FANCI: variants seen among roughly 807,000 people sequenced by gnomAD.
The protein encoded by FANCI is Fanconi anemia group I protein.
In FANCI, 156 loss-of-function variants were observed where a neutral mutation model predicts 176.1. The observed-to-expected ratio is 0.89, with a 90% CI of 0.78 to 1.01. The LOEUF (loss-of-function observed/expected upper bound fraction) is 1.01. Among genes scored for constraint, FANCI ranks in the 50% least tolerant of loss-of-function variants. The pLI is 0.00. For synonymous variants in FANCI, 613 were observed against 541.7 expected (o/e 1.13, Z -1.83); for missense variants, 1,678 against 1,534.1 (o/e 1.09, Z -1.57).
intron 27 of FANCI, among the ~76,000 whole-genome samples, chr15:89,302,706 T>C (rs2054570725): frequency 6.6e-6 from 1 of 151,878 alleles, no homozygotes; most frequent in Admixed American, 6.6e-5. Context: ...CCCAAGTAGC[T>C]GGGACTACAG....
intron 19 of FANCI, 84 bp downstream of exon 19, chr15:89,290,365 T>G (rs995802424): frequency 2.8e-6 from 3 of 1,063,428 alleles, no homozygotes; most frequent in African/African-American, 3.1e-5. Flanking sequence ...TTTCAAAATA[T>G]AAAATAATTC....
chr15:89,247,596 T>C, intron 1 of FANCI, 33 bp from the exon 2 acceptor site: 11 of 1,461,684 alleles, frequency 7.5e-6, no homozygotes, highest in Middle Eastern at 1.7e-4. Context: ...ATTTCTGGAA[T>C]CTTCACCCAC....
intron 2 of FANCI, among the ~76,000 whole-genome samples, chr15:89,250,670 T>G (rs1247180873): frequency 6.6e-6 from 1 of 151,502 alleles, no homozygotes; most frequent in African/African-American, 2.4e-5. Flanking sequence ...GTTGTGCACA[T>G]GTACCCTAGA....
chr15:89,291,557 A>T, intron 19 of FANCI, 56 bp from the exon 20 acceptor site: 1 of 1,419,900 alleles, frequency 7.0e-7, no homozygotes, highest in Non-Finnish European at 9.9e-7. Flanking sequence ...CTGAGAAGTT[A>T]AAAAAGTAAA....
At chr15:89,314,843 C>G (rs1332688617) in intron 36 of FANCI, 136 bp downstream of exon 36, 4 of 552,004 alleles carry the variant, frequency 7.2e-6, no homozygotes, top group Admixed American at 5.8e-5. Flanking sequence ...CTCTCCCCCC[C>G]CCCCCCTTTT....
intron 18 of FANCI, 123 bp from the exon 19 acceptor site, chr15:89,290,090 A>C (rs2054002774): frequency 1.3e-6 from 1 of 798,400 alleles, no homozygotes; most frequent in South Asian, 1.4e-5. Flanking sequence ...AGGACTGTCA[A>C]ATATGGTCTC....
intron 34 of FANCI, chr15:89,308,245 G>A (rs2054804314): frequency 2.2e-6 from 2 of 910,096 alleles, no homozygotes; most frequent in Non-Finnish European, 2.6e-6. Flanking sequence ...ATTTTGGGAT[G>A]TTGAGTAGCA....
In FANCI at chr15:89,273,606, C is replaced by T. The variant is rs960217181; in HGVS notation, c.975+137C>T. On this transcript the variant is annotated intron_variant, in intron 11 of 37. Coordinates refer to ENST00000310775, the MANE Select transcript of FANCI (RefSeq NM_001113378.2). Reference sequence around the variant, plus strand: ...CCCCTTCCTGCCAGCAGCAAAGCTGCAATAAGACATGTATGTCCCCTCTGT... The same window carrying T: ...CCCCTTCCTGCCAGCAGCAAAGCTGTAATAAGACATGTATGTCCCCTCTGT... The T allele has an allele frequency of 3.8e-5, 25 of 656,448 alleles. No individual in the cohort carries two copies. The African/African-American group carries it at 4.3e-4, about 11-fold the overall frequency. 40.7% of individuals were successfully genotyped at this position (656,448 alleles called of 1,614,324 possible).
intron 28 of FANCI, among the ~76,000 whole-genome samples, chr15:89,304,149 A>G (rs973008246): frequency 1.3e-5 from 2 of 152,220 alleles, no homozygotes; most frequent in Non-Finnish European, 2.9e-5. Context: ...CTGTTCAGCA[A>G]TATCTACTAA....
At chr15:89,257,503 C>CT (rs1323229347) in intron 2 of FANCI, among the ~76,000 whole-genome samples, 1 of 152,116 alleles carries the variant, frequency 6.6e-6, no homozygotes, top group Non-Finnish European at 1.5e-5. Flanking sequence ...TGTTGGCAAC[C>CT]TTTAGCATTC....
At chr15:89,296,592 T>A (rs1050693525) in intron 24 of FANCI, among the ~76,000 whole-genome samples, 4 of 152,196 alleles carry the variant, frequency 2.6e-5, no homozygotes, top group Non-Finnish European at 5.9e-5. Context: ...CCATGTCTAC[T>A]TCTTTCTACA....
At chr15:89,308,860 C>T (rs112986430) in intron 34 of FANCI, among the ~76,000 whole-genome samples, 2,988 of 151,946 alleles carry the variant, frequency 0.02, 103 homozygotes, top group African/African-American at 0.066. Context: ...GCAGGAGAAT[C>T]GCCTGAACCT....
At chr15:89,273,170 C>T (rs956126242) in intron 10 of FANCI, among the ~76,000 whole-genome samples, 2 of 151,782 alleles carry the variant, frequency 1.3e-5, no homozygotes, top group African/African-American at 4.8e-5. Flanking sequence ...AAAAAATTAG[C>T]CAGGCATGGT....
chr15:89,274,011 T>C (rs925760986), intron 11 of FANCI, among the ~76,000 whole-genome samples, 157 bp from the exon 12 acceptor site: 1 of 152,208 alleles, frequency 6.6e-6, no homozygotes, highest in Non-Finnish European at 1.5e-5. Flanking sequence ...GTCATAGGGA[T>C]ATATGTGAAT....
chr15:89,313,538 T>G (rs1325052938), intron 35 of FANCI, among the ~76,000 whole-genome samples: 2 of 152,148 alleles, frequency 1.3e-5, no homozygotes, highest in Non-Finnish European at 2.9e-5. Flanking sequence ...AGGTGCTCCC[T>G]AAAAGATGTG....
At chr15:89,310,256 C>T (rs572929599) in intron 34 of FANCI, among the ~76,000 whole-genome samples, 13 of 152,342 alleles carry the variant, frequency 8.5e-5, no homozygotes, top group Admixed American at 8.5e-4. Flanking sequence ...AATAAACGAG[C>T]ATGGCTATGT....
rs796398372 is a variant in FANCI at position 89,265,452 on chromosome 15, C to G, written c.755+845C>G. Among the ~76,000 whole-genome samples the G allele has an allele frequency of 4.6e-5, 7 of 152,052 alleles. No individual in the cohort carries two copies. In the East Asian group the frequency reaches 7.7e-4, roughly 17 times the overall value. ...AAACTCCTGGCCTGAAGTGATTCAC[C>G]CTCCTCGGTCTCTCAAAGTGCTGGG... On this transcript the variant is annotated intron_variant, in intron 9 of 37. Transcript: ENST00000310775.
Position 89,293,951 on chromosome 15 carries a change from CTT to C in FANCI, c.2413_2414del (p.Leu805ValfsTer16). ...AATGGCCAACAAGACAAGTGATAGTCTTTTGTCCATGAAATTTGTGTCCAGTC... is the reference window on the plus strand; with the variant it reads ...AATGGCCAACAAGACAAGTGATAGTCTTGTCCATGAAATTTGTGTCCAGTC... The part of the protein sequence containing the change: ...TKMANKTSDS[L>X]LSMKFVSSLL... On this transcript the variant is annotated frameshift_variant, in exon 23 of 38. Coordinates refer to ENST00000310775, the MANE Select transcript of FANCI (RefSeq NM_001113378.2). LOFTEE classifies it high-confidence loss of function. 1.9e-6 allele frequency: 3 copies of C among 1,614,116 alleles called. No individual in the cohort carries two copies. Among genetic ancestry groups the C allele is most frequent in the Non-Finnish European group, 2.5e-6 (3 of 1,180,020 alleles).
intron 19 of FANCI, 120 bp from the exon 20 acceptor site, chr15:89,291,493 G>C: frequency 1.2e-6 from 1 of 815,002 alleles, no homozygotes; most frequent in Non-Finnish European, 2.1e-6. Flanking sequence ...ATTGTTCTTT[G>C]AACAGTTGGG....
Sources: allele counts gnomAD v4.1 joint callset (sites outside exome capture counted in the v4.1 genomes callset), GRCh38; gene constraint gnomAD v4.1.1; transcripts MANE v1.5; gene names NCBI Gene and HGNC (gene_info 2026-07-23, HGNC 2026-07-21).